Variants in NR6A1 observed in about 807,000 individuals in gnomAD.
NR6A1 encodes nuclear receptor subfamily 6 group A member 1.
NR6A1 carries 7 observed loss-of-function variants against 59.1 expected under a neutral mutation model. The ratio of observed to expected loss-of-function variants is 0.12; its 90% CI spans 0.07 to 0.22. The LOEUF (loss-of-function observed/expected upper bound fraction) is 0.22. Among genes scored for constraint, NR6A1 ranks in the 10% least tolerant of loss-of-function variants. The pLI, the probability that NR6A1 is intolerant of heterozygous loss-of-function variation, is 1.00. For missense variants in NR6A1, 468 were observed against 611.6 expected (o/e 0.77, Z 2.48); for synonymous variants, 243 against 236.1 (o/e 1.03, Z -0.27).
chr9:124,646,440 C>T (rs1340671782), intron 2 of NR6A1, among the ~76,000 whole-genome samples: 1 of 152,060 alleles, frequency 6.6e-6, no homozygotes, highest in African/African-American at 2.4e-5. Context: ...AATCGTACCT[C>T]AATAAAGCTC....
At chr9:124,725,976 G>C (rs980999327) in intron 2 of NR6A1, among the ~76,000 whole-genome samples, 4 of 152,124 alleles carry the variant, frequency 2.6e-5, no homozygotes, top group African/African-American at 7.2e-5. Context: ...GCCAGATGTA[G>C]CTACTTAAGG....
intron 2 of NR6A1, among the ~76,000 whole-genome samples, chr9:124,637,428 T>C (rs1795752739): frequency 6.6e-6 from 1 of 152,160 alleles, no homozygotes; most frequent in African/African-American, 2.4e-5. Context: ...TAAATATCTA[T>C]TACATACTAG....
intron 2 of NR6A1, among the ~76,000 whole-genome samples, chr9:124,579,513 T>C (rs1781524457): frequency 6.6e-6 from 1 of 152,048 alleles, no homozygotes; most frequent in South Asian, 2.1e-4. Flanking sequence ...GTCATGGTAA[T>C]GCCACTGCAC....
intron 2 of NR6A1, among the ~76,000 whole-genome samples, chr9:124,631,516 T>C (rs1246274260): frequency 6.6e-6 from 1 of 152,204 alleles, no homozygotes; most frequent in Non-Finnish European, 1.5e-5. Flanking sequence ...AAAAATAGAA[T>C]GATAGGCCAG....
In NR6A1 at chr9:124,722,301, A is replaced by G. The variant is rs530109943; in HGVS notation, c.142+11007T>C. Among the ~76,000 whole-genome samples, 285 of 152,350 alleles carry G rather than the reference A, an allele frequency of 1.9e-3. 2 individuals carry two copies. The highest frequency in any genetic ancestry group is 6.1e-3 in the African/African-American group (255 of 41,586). On this transcript the variant is annotated intron_variant, in intron 2 of 9. Transcript: ENST00000487099. ...GGCACACAAGGAATACCAAATACAC[A>G]AGTAAATGGTAATTTCCTTTTCTTC...
At chr9:124,692,209 A>AT (rs1042026421) in intron 2 of NR6A1, among the ~76,000 whole-genome samples, 2 of 152,352 alleles carry the variant, frequency 1.3e-5, no homozygotes, top group African/African-American at 4.8e-5. Context: ...GGTATTTTAC[A>AT]TTTTTAGAAT....
chr9:124,594,334 G>T (rs919801213), intron 2 of NR6A1, among the ~76,000 whole-genome samples: 1 of 152,144 alleles, frequency 6.6e-6, no homozygotes, highest in Non-Finnish European at 1.5e-5. Context: ...TGAACCAGGG[G>T]AGAACTTTCT....
intron 1 of NR6A1, among the ~76,000 whole-genome samples, chr9:124,755,542 G>A (rs1409763441): frequency 6.6e-6 from 1 of 152,144 alleles, no homozygotes; most frequent in Non-Finnish European, 1.5e-5. Flanking sequence ...CATTTATGAT[G>A]CTGGAAGACA....
chr9:124,538,060 G>C, intron 6 of NR6A1, 32 bp downstream of exon 6: 1 of 1,564,788 alleles, frequency 6.4e-7, no homozygotes. Context: ...CTTTGAGACT[G>C]CAAGGGGCCA....
At chr9:124,625,817 T>A (rs1836224706) in intron 2 of NR6A1, among the ~76,000 whole-genome samples, 1 of 151,964 alleles carries the variant, frequency 6.6e-6, no homozygotes, top group Non-Finnish European at 1.5e-5. Flanking sequence ...TCAAATTAGG[T>A]GAAGGCCTGA....
chr9:124,625,175 A>G (rs1447336847), intron 2 of NR6A1, among the ~76,000 whole-genome samples: 2 of 152,156 alleles, frequency 1.3e-5, no homozygotes, highest in Non-Finnish European at 2.9e-5. Context: ...TCTACCACTC[A>G]CTAGCTGTGA....
At chr9:124,573,431 C>G (rs1834502600) in intron 2 of NR6A1, among the ~76,000 whole-genome samples, 1 of 152,200 alleles carries the variant, frequency 6.6e-6, no homozygotes, top group Non-Finnish European at 1.5e-5. Context: ...AAATCTTTCA[C>G]CCTGTAACTT....
chr9:124,737,664 G>A (rs1353537441), intron 1 of NR6A1, among the ~76,000 whole-genome samples: 3 of 152,116 alleles, frequency 2.0e-5, no homozygotes, highest in African/African-American at 4.8e-5. Flanking sequence ...TCAGGAGTTC[G>A]AGACCAGCAT....
chr9:124,713,091 G>T (rs1304388355), intron 2 of NR6A1, among the ~76,000 whole-genome samples: 1 of 152,114 alleles, frequency 6.6e-6, no homozygotes, highest in Non-Finnish European at 1.5e-5. Context: ...AAAATAGGGA[G>T]CCCAGTACTA....
At chr9:124,637,914 A>G (rs1319603697) in intron 2 of NR6A1, among the ~76,000 whole-genome samples, 2 of 143,566 alleles carry the variant, frequency 1.4e-5, no homozygotes, top group Non-Finnish European at 3.1e-5. Context: ...AAAAAAAAAG[A>G]AAAAAAGGGA....
chr9:124,749,639 C>G lies in NR6A1; in HGVS notation c.101-16290G>C, dbSNP rs1840438397. On this transcript the variant is annotated intron_variant, in intron 1 of 9. Transcript: ENST00000487099. The stretch of plus-strand genomic sequence containing the variant: ...TTCACAGGAACAATCATAATGCACT[C>G]CAGCCTCGAACTTCTGACTCAAGCA... Among the ~76,000 whole-genome samples, 3 of 152,106 alleles carry G rather than the reference C, an allele frequency of 2.0e-5. No homozygotes were observed. The South Asian group carries it at 6.2e-4, about 32-fold the overall frequency.
At chr9:124,609,766 G>A (rs1291776356) in intron 2 of NR6A1, among the ~76,000 whole-genome samples, 1 of 152,242 alleles carries the variant, frequency 6.6e-6, no homozygotes, top group Non-Finnish European at 1.5e-5. Flanking sequence ...CCATTTGTTT[G>A]TGTCCTCTCT....
chr9:124,743,776 G>A (rs1301768734), intron 1 of NR6A1, among the ~76,000 whole-genome samples: 5 of 152,258 alleles, frequency 3.3e-5, no homozygotes, highest in Non-Finnish European at 5.9e-5. Context: ...TCAGTCTGAT[G>A]AGTCAGAGGT....
At chr9:124,598,702 G>T in intron 2 of NR6A1, 2 of 574,144 alleles carry the variant, frequency 3.5e-6, no homozygotes, top group South Asian at 2.4e-5. Flanking sequence ...AAAATAAGAC[G>T]ATTTATTGTT....
Sources: allele counts gnomAD v4.1 joint callset (sites outside exome capture counted in the v4.1 genomes callset), GRCh38; gene constraint gnomAD v4.1.1; transcripts MANE v1.5; gene names NCBI Gene and HGNC (gene_info 2026-07-23, HGNC 2026-07-21).